Variants in RELN observed in about 807,000 individuals in gnomAD.
The protein encoded by RELN is reelin.
Under a neutral mutation model 427.6 loss-of-function variants are expected in RELN, and 108 were observed. That is an observed-to-expected ratio of 0.25 (90% CI 0.22 to 0.30). RELN has a LOEUF of 0.30. Among genes scored for constraint, RELN ranks in the 10% least tolerant of loss-of-function variants. The pLI is 1.00. For synonymous variants in RELN, 1,524 were observed against 1,513.4 expected, an observed-to-expected ratio of 1.01 and a Z score of -0.16; for missense variants, 3,715 against 4,302.8, an observed-to-expected ratio of 0.86 and a Z score of 3.82.
At chr7:103,906,513 G>A (rs1328087839) in intron 2 of RELN, among the ~76,000 whole-genome samples, 11 of 145,728 alleles carry the variant, frequency 7.5e-5, no homozygotes, top group Non-Finnish European at 1.7e-4. Flanking sequence ...GGAAAGCTCC[G>A]GTACCTCAGG....
rs2711855 is a variant in RELN, at chr7:103,619,926, C to T, written c.2703-8123G>A. 4.0e-3 allele frequency among the ~76,000 whole-genome samples: 616 copies of T among 152,128 alleles called. 2 individuals are homozygous for T. The highest frequency in any genetic ancestry group is 0.013 in the African/African-American group (551 of 41,502). The stretch of plus-strand genomic sequence containing the variant: ...GATGAGTTGTCAGGGGCAACACTTC[C>T]CTGCCACTAATGTGGGAATGAAGGT... On this transcript the variant is annotated intron_variant, in intron 20 of 64. Transcript: ENST00000428762.
intron 3 of RELN, among the ~76,000 whole-genome samples, chr7:103,826,736 A>C (rs955647318): frequency 6.6e-6 from 1 of 152,094 alleles, no homozygotes; most frequent in Non-Finnish European, 1.5e-5. Flanking sequence ...AAAAATTTCT[A>C]CTAGATTTAA....
chr7:103,975,717 T>TC (rs1419959657), intron 1 of RELN, among the ~76,000 whole-genome samples: 1 of 147,160 alleles, frequency 6.8e-6, no homozygotes, highest in Non-Finnish European at 1.5e-5. Context: ...GGCTGATTTT[T>TC]TTTTTTTTTT....
chr7:103,592,302 T>A (rs1055694665), intron 27 of RELN, among the ~76,000 whole-genome samples: 1 of 152,194 alleles, frequency 6.6e-6, no homozygotes, highest in Non-Finnish European at 1.5e-5. Flanking sequence ...GTTTTTCTGT[T>A]CCTTTATTAG....
rs1292687370 is a variant in RELN at position 103,515,177 on chromosome 7, T to A, written c.8119+8A>T. The A allele has an allele frequency of 1.9e-6, 3 of 1,614,130 alleles. No individual in the cohort carries two copies. The South Asian group carries it at 3.3e-5, about 18-fold the overall frequency. Reference sequence around the variant, plus strand: ...TGGGCTTTTTATTTAGCGCTGTGCATAATTTACCTGAAGTTTTGTCTTCCA... The same window carrying A: ...TGGGCTTTTTATTTAGCGCTGTGCAAAATTTACCTGAAGTTTTGTCTTCCA... On this transcript the variant is annotated splice_region_variant and intron_variant, in intron 50 of 64. Transcript: ENST00000428762.
chr7:103,723,302 T>C, intron 7 of RELN, 111 bp from the exon 8 acceptor site: 1 of 690,350 alleles, frequency 1.4e-6, no homozygotes, highest in Non-Finnish European at 2.7e-6. Flanking sequence ...AGAGAGGAAA[T>C]CCATTAACAG....
At chr7:103,643,528 G>A (rs1377669110) in intron 16 of RELN, among the ~76,000 whole-genome samples, 1 of 151,920 alleles carries the variant, frequency 6.6e-6, no homozygotes, top group Non-Finnish European at 1.5e-5. Flanking sequence ...TTGGGGAGAT[G>A]AGATCTTGCT....
At chr7:103,770,647 T>A (rs541640835) in intron 4 of RELN, among the ~76,000 whole-genome samples, 5 of 113,110 alleles carry the variant, frequency 4.4e-5, no homozygotes, top group South Asian at 2.5e-4. Flanking sequence ...CCTTATTTTT[T>A]TTAAAAATTT....
chr7:103,489,203 G>GGTGTGTGTGT (rs3051647), intron 60 of RELN, among the ~76,000 whole-genome samples: 4,281 of 147,838 alleles, frequency 0.029, 115 homozygotes, highest in African/African-American at 0.071. Context: ...GTCATAAAGG[G>GGTGTGTGTGT]GTGTGTGTGT....
chr7:103,812,207 G>C (rs1355272847), intron 3 of RELN, among the ~76,000 whole-genome samples: 1 of 151,982 alleles, frequency 6.6e-6, no homozygotes, highest in Non-Finnish European at 1.5e-5. Flanking sequence ...GATATCCCCA[G>C]TCAGCAACCT....
At position 103,514,489 on chromosome 7, in the gene RELN, A is replaced by T. The variant is rs369834706; in HGVS notation, c.8119+696T>A. Among the ~76,000 whole-genome samples the T allele has an allele frequency of 1.2e-4, 19 of 152,234 alleles. No homozygotes were observed. The East Asian group carries it at 3.7e-3, about 29-fold the overall frequency. On this transcript the variant is annotated intron_variant, in intron 50 of 64. Coordinates refer to ENST00000428762, the MANE Select transcript of RELN (RefSeq NM_005045.4). ...AGCCTGGCCAACATGGTGAAACCCC[A>T]TCTCTACTAAAATTACAAAATTAGC...
At chr7:103,882,545 C>T (rs3914124) in intron 2 of RELN, among the ~76,000 whole-genome samples, 17,830 of 151,730 alleles carry the variant, frequency 0.12, 1,118 homozygotes, top group South Asian at 0.13. Context: ...AATAGGTAAA[C>T]CGCTAACCAG....
intron 2 of RELN, among the ~76,000 whole-genome samples, chr7:103,906,281 G>A (rs1795202223): frequency 6.6e-6 from 1 of 152,116 alleles, no homozygotes; most frequent in Non-Finnish European, 1.5e-5. Context: ...AACTCCCTAA[G>A]CAAGCATAAC....
chr7:103,698,159 GT>G, intron 9 of RELN, 66 bp from the exon 10 acceptor site: 1 of 1,591,098 alleles, frequency 6.3e-7, no homozygotes, highest in Non-Finnish European at 8.6e-7. Flanking sequence ...GATGAATTTT[GT>G]TTCTTAAGGT....
At chr7:103,731,032 G>C (rs1192991177) in intron 6 of RELN, among the ~76,000 whole-genome samples, 1 of 152,084 alleles carries the variant, frequency 6.6e-6, no homozygotes, top group African/African-American at 2.4e-5. Context: ...AAATGGAAAG[G>C]CAGAGAAGTA....
At chr7:103,602,279 T>C (rs924799325) in intron 24 of RELN, among the ~76,000 whole-genome samples, 5 of 152,188 alleles carry the variant, frequency 3.3e-5, no homozygotes, top group Non-Finnish European at 7.4e-5. Flanking sequence ...GGTTGAATAA[T>C]GTGCTTCAAA....
chr7:103,962,646 T>TTGTGTGTGTGTGTGTGTGTGTGTGTG (rs57782980), intron 1 of RELN, among the ~76,000 whole-genome samples: 1 of 149,816 alleles, frequency 6.7e-6, no homozygotes, highest in African/African-American at 2.5e-5. Flanking sequence ...TCCAAAGTTG[T>TTGTGTGTGTGTGTGTGTGTGTGTGTG]TGTGTGTGTG....
chr7:103,950,459 C>A (rs1456774996), intron 1 of RELN, among the ~76,000 whole-genome samples: 2 of 151,966 alleles, frequency 1.3e-5, no homozygotes, highest in Non-Finnish European at 2.9e-5. Flanking sequence ...AAAAAATCAG[C>A]AATATGCATT....
At chr7:103,717,611 G>A (rs1156863339) in intron 8 of RELN, among the ~76,000 whole-genome samples, 1 of 151,658 alleles carries the variant, frequency 6.6e-6, no homozygotes, top group East Asian at 1.9e-4. Context: ...TAAAACATAT[G>A]TATTATTTTT....
Sources: allele counts gnomAD v4.1 joint callset (sites outside exome capture counted in the v4.1 genomes callset), GRCh38; gene constraint gnomAD v4.1.1; transcripts MANE v1.5; gene names NCBI Gene and HGNC (gene_info 2026-07-23, HGNC 2026-07-21).